ZNF584: variants seen among roughly 807,000 people sequenced by gnomAD.
ZNF584 encodes the protein zinc finger protein 584.
Under a neutral mutation model 14.7 loss-of-function variants are expected in ZNF584, and 12 were observed. The observed-to-expected ratio is 0.82, with a 90% confidence interval of 0.52 to 1.32. The LOEUF (loss-of-function observed/expected upper bound fraction) is 1.32, where lower values mean the gene tolerates loss of function less well. ZNF584 is among the 40% of genes most tolerant of loss of function. The pLI is 0.00. For missense variants in ZNF584, 478 were observed against 518.8 expected (o/e 0.92, Z 0.76); for synonymous variants, 204 against 190.9 (o/e 1.07, Z -0.57).
chr19:58,402,933 A>G (rs1433054091), intron 1 of ZNF584, among the ~76,000 whole-genome samples: 1 of 152,132 alleles, frequency 6.6e-6, no homozygotes, highest in Non-Finnish European at 1.5e-5. Flanking sequence ...GCTCCACATC[A>G]TATGCCATTA....
upstream of ZNF584, chr19:58,408,452 A>AATGATCCCACTGCCGC (rs1392953856): frequency 6.6e-6 from 1 of 152,346 alleles, no homozygotes. Flanking sequence ...CCCACCGCCC[A>AATGATCCCACTGCCGC]ATGATCCCAC....
chr19:58,405,279 A>G (rs1321022587), upstream of ZNF584: 1 of 83,734 alleles, frequency 1.2e-5, no homozygotes, highest in Non-Finnish European at 2.4e-5. Context: ...TGACCCCCCC[A>G]CCTCCCTCCC....
rs1599946568 is a variant in ZNF584 at position 58,409,798 on chromosome 19, A to G, written c.19-143A>G. 4 of 927,892 alleles carry G rather than the reference A, an allele frequency of 4.3e-6. No individual in the cohort carries two copies. In the East Asian group the frequency reaches 9.8e-5, roughly 23 times the overall value. 57.5% of individuals were successfully genotyped at this position (927,892 alleles called of 1,614,324 possible). On this transcript the variant is annotated intron_variant, in intron 1 of 3. Transcript: ENST00000306910. ...AGGTATAAGGGTATGTGTAGGGAGT[A>G]AGGTGGGGAAGAGTTTAGAGCTCAT...
At chr19:58,412,124 G>A (rs1383871757) in intron 2 of ZNF584, among the ~76,000 whole-genome samples, 1 of 150,364 alleles carries the variant, frequency 6.7e-6, no homozygotes, top group African/African-American at 2.5e-5. Context: ...TGGGTTACAG[G>A]CATGCACCAC....
chr19:58,405,004 C>CA (rs1459524970), upstream of ZNF584: 10 of 152,138 alleles, frequency 6.6e-5, no homozygotes, highest in African/African-American at 2.5e-4. Context: ...CTGACCCCCC[C>CA]ACCTCCCTCC....
At chr19:58,414,923 C>T (rs1373583129) in intron 2 of ZNF584, among the ~76,000 whole-genome samples, 1 of 150,838 alleles carries the variant, frequency 6.6e-6, no homozygotes, top group African/African-American at 2.4e-5. Flanking sequence ...GACAGAGTCT[C>T]GCACTGTCGC....
chr19:58,410,675 G>GTATATA (rs544171240), intron 2 of ZNF584, among the ~76,000 whole-genome samples: 5 of 48,890 alleles, frequency 1.0e-4, no homozygotes, highest in African/African-American at 1.9e-4. Flanking sequence ...GTATATATGT[G>GTATATA]TATATATATG....
In ZNF584 at chr19:58,417,444, A is replaced by C; in HGVS notation, c.926A>C (p.Tyr309Ser). The C allele has an allele frequency of 6.2e-7, 1 of 1,603,272 alleles. No homozygotes were observed. The highest frequency in any genetic ancestry group is 8.5e-7 in the Non-Finnish European group (1 of 1,171,186). Reference protein sequence around the residue: ...ECTECGKFFKYNNSFILHQRV... With the variant: ...ECTECGKFFKSNNSFILHQRV... ...ACAGAATGTGGGAAGTTCTTTAAATACAATAATAGCTTCATTCTTCACCAG... is the reference window on the plus strand; with the variant it reads ...ACAGAATGTGGGAAGTTCTTTAAATCCAATAATAGCTTCATTCTTCACCAG... Residue 309 changes from tyrosine (Y) to serine (S), a missense_variant, in exon 4 of 4, where the codon TAC becomes TCC. By Grantham distance (144) the Tyr-to-Ser change is moderately radical. Transcript: ENST00000306910.
intron 2 of ZNF584, among the ~76,000 whole-genome samples, chr19:58,410,777 AATTTTTTT>A (rs1334716501): frequency 9.9e-4 from 8 of 8,074 alleles, no homozygotes; most frequent in Non-Finnish European, 2.7e-3. Flanking sequence ...ATATATATAT[AATTTTTTT>A]TTTTTTTTTT....
In ZNF584 at chr19:58,409,104, C is replaced by T. The variant is rs745939936; in HGVS notation, c.-44C>T. The T allele has an allele frequency of 2.0e-5, 29 of 1,472,098 alleles. No homozygotes were observed. The South Asian group carries it at 3.4e-4, about 17-fold the overall frequency. 91.2% of individuals were successfully genotyped at this position (1,472,098 alleles called of 1,614,324 possible). On this transcript the variant is annotated 5_prime_UTR_variant, in exon 1 of 4. Coordinates refer to ENST00000306910, the MANE Select transcript of ZNF584 (RefSeq NM_173548.3). ...TTTCCGCGCCCGGGACGCGTTTCGG[C>T]TGAGGCCGTGGGTCCAGTCCACGGG...
chr19:58,410,769 A>T, intron 2 of ZNF584, among the ~76,000 whole-genome samples: 1 of 33,548 alleles, frequency 3.0e-5, no homozygotes, highest in Admixed American at 3.0e-4. Flanking sequence ...ATATGTATAT[A>T]TATATATAAT....
chr19:58,417,241 T>G lies in ZNF584; in HGVS notation c.723T>G (p.Pro241=), dbSNP rs777812641. The change falls in exon 4 of 4, where the codon CCT becomes CCG. Residue 241 remains proline (P), a synonymous_variant. Coordinates refer to ENST00000306910, the MANE Select transcript of ZNF584 (RefSeq NM_173548.3). ...KHQKVHTGIK[P]FKCSDCGKTF... Reference sequence around the variant, plus strand: ...AGAAGGTTCACACAGGCATAAAACCTTTTAAGTGTAGTGACTGTGGTAAAA... The same window carrying G: ...AGAAGGTTCACACAGGCATAAAACCGTTTAAGTGTAGTGACTGTGGTAAAA... The G allele has an allele frequency of 1.2e-6, 2 of 1,614,036 alleles. No homozygotes were observed. Among genetic ancestry groups the G allele is most frequent in the African/African-American group, 2.7e-5 (2 of 74,914 alleles).
At chr19:58,414,135 A>G (rs1220637677) in intron 2 of ZNF584, among the ~76,000 whole-genome samples, 1 of 151,640 alleles carries the variant, frequency 6.6e-6, no homozygotes, top group Non-Finnish European at 1.5e-5. Context: ...TTTTATTTTC[A>G]TTCCTCCCAA....
intron 2 of ZNF584, among the ~76,000 whole-genome samples, chr19:58,410,524 T>TATATATATATATAA (rs2052532080): frequency 9.0e-5 from 1 of 11,064 alleles, no homozygotes; most frequent in South Asian, 1.8e-3. Context: ...GGGAAATATA[T>TATATATATATATAA]ATATATATAT....
At chr19:58,409,225 C>A (rs765081711) in intron 1 of ZNF584, 60 bp downstream of exon 1, 1 of 1,384,820 alleles carries the variant, frequency 7.2e-7, no homozygotes. Context: ...CGGCGTGTGC[C>A]AGGGCAGAGT....
intron 3 of ZNF584, 74 bp from the exon 4 acceptor site, chr19:58,416,737 C>A: frequency 6.7e-7 from 1 of 1,497,568 alleles, no homozygotes; most frequent in Non-Finnish European, 8.9e-7. Context: ...CTGGGTGTGT[C>A]TGACATGCAC....
Position 58,409,002 on chromosome 19 carries a change from G to GA in ZNF584, c.-144dup, listed in dbSNP as rs1304346959. On this transcript the variant is annotated 5_prime_UTR_variant, in exon 1 of 4. Transcript: ENST00000306910. ...CCGTCCTCCTTCCCAGCGGCTCCGG[G>GA]AAGCGGTTCCCTGTCTTCGGACGCA... 31 of 1,070,684 alleles carry GA rather than the reference G, an allele frequency of 2.9e-5. No homozygotes were observed. The highest frequency in any genetic ancestry group is 4.0e-5 in the Non-Finnish European group (31 of 782,750). The allele number at this position is 1,070,684 out of a possible 1,614,324, so 66.3% of individuals were successfully genotyped here.
In ZNF584 at chr19:58,415,521, C is replaced by T. The variant is rs2052630337; in HGVS notation, c.170-3C>T. ...TGTTTCTTTTACTACCTGTCACCCG[C>T]AGGACTTGCACCTTCGAGATCCCCT... On this transcript the variant is annotated splice_region_variant and splice_polypyrimidine_tract_variant and intron_variant, in intron 2 of 3. Coordinates refer to ENST00000306910, the MANE Select transcript of ZNF584 (RefSeq NM_173548.3). The T allele has an allele frequency of 6.2e-7, 1 of 1,610,236 alleles. No individual in the cohort carries two copies. The highest frequency in any genetic ancestry group is 8.5e-7 in the Non-Finnish European group (1 of 1,176,998).
intron 2 of ZNF584, among the ~76,000 whole-genome samples, chr19:58,410,555 A>ATATATG (rs2052540387): frequency 7.4e-5 from 2 of 26,898 alleles, no homozygotes; most frequent in East Asian, 6.0e-4. Flanking sequence ...ATATATATAT[A>ATATATG]TATGTGTATA....
Sources: gnomAD v4.1 joint callset for allele counts (sites outside exome capture counted in the v4.1 genomes callset) on GRCh38, gnomAD v4.1.1 for gene constraint, MANE v1.5 for transcripts, NCBI Gene and HGNC (gene_info 2026-07-23, HGNC 2026-07-21) for gene names.